Variants in NSUN6 observed in about 807,000 individuals in gnomAD.
The protein encoded by NSUN6 is NOP2/Sun RNA methyltransferase 6.
A neutral mutation model predicts 58.0 loss-of-function variants in NSUN6; 64 were observed. The observed-to-expected ratio is 1.10, with a 90% CI of 0.90 to 1.36. The LOEUF is 1.36. Among genes scored for constraint, NSUN6 ranks in the 40% most tolerant of loss-of-function variants. NSUN6 has a pLI of 0.00. For missense variants in NSUN6, 701 were observed against 550.1 expected (o/e 1.27, Z -2.74); for synonymous variants, 231 against 193.9 (o/e 1.19, Z -1.59).
intron 8 of NSUN6, among the ~76,000 whole-genome samples, chr10:18,555,371 T>G (rs967974023): frequency 2.0e-5 from 3 of 149,952 alleles, no homozygotes; most frequent in Non-Finnish European, 4.5e-5. Flanking sequence ...TGGAATGGAA[T>G]GGAGAATGGA....
chr10:18,600,646 T>A (rs1489318515), intron 6 of NSUN6, among the ~76,000 whole-genome samples: 2 of 150,362 alleles, frequency 1.3e-5, no homozygotes, highest in Non-Finnish European at 3.0e-5. Flanking sequence ...GACTACTACC[T>A]GGCCGGTGCA....
chr10:18,593,488 A>G (rs2057456688), intron 7 of NSUN6, among the ~76,000 whole-genome samples: 1 of 152,236 alleles, frequency 6.6e-6, no homozygotes, highest in South Asian at 2.1e-4. Flanking sequence ...CTGGATAAAG[A>G]AAATGTGGCA....
intron 1 of NSUN6, 38 bp downstream of exon 1, chr10:18,651,091 T>C: frequency 6.4e-7 from 1 of 1,570,674 alleles, no homozygotes; most frequent in Non-Finnish European, 8.6e-7. Context: ...ATATTTGAGT[T>C]TTTGCAAAAT....
intron 6 of NSUN6, among the ~76,000 whole-genome samples, chr10:18,599,109 C>T (rs1419733355): frequency 6.6e-6 from 1 of 152,182 alleles, no homozygotes; most frequent in Non-Finnish European, 1.5e-5. Context: ...GCAATCAAAG[C>T]TCACTGCCAC....
chr10:18,610,044 C>G, intron 5 of NSUN6, 118 bp from the exon 6 acceptor site: 2 of 677,074 alleles, frequency 3.0e-6, no homozygotes, highest in Non-Finnish European at 5.3e-6. Flanking sequence ...TTTTTAAGAA[C>G]TATTTTGGCT....
rs575820558 is a variant in NSUN6 at position 18,606,986 on chromosome 10, T to C, written c.657+2859A>G. ...CAATCCCTGAAACCAAAATGAAAAC[T>C]GCAAATTATGGCTACCAAGAGCTTC... On this transcript the variant is annotated intron_variant, in intron 6 of 10. Transcript: ENST00000377304. Among the ~76,000 whole-genome samples, 7 of 152,306 alleles carry C rather than the reference T, an allele frequency of 4.6e-5. 1 individual carries two copies. The South Asian group carries it at 1.4e-3, about 32-fold the overall frequency.
Position 18,642,553 on chromosome 10 carries a change from C to G in NSUN6, c.234G>C (p.Gln78His). 6.9e-7 allele frequency: 1 copy of G among 1,439,718 alleles called. No homozygotes were observed. Among genetic ancestry groups the G allele is most frequent in the Non-Finnish European group, 9.8e-7 (1 of 1,023,822 alleles). The allele number at this position is 1,439,718 out of a possible 1,614,324, so 89.2% of individuals were successfully genotyped here. Residue 78 changes from glutamine (Q) to histidine (H), a missense_variant and splice_region_variant, in exon 3 of 11, where the codon CAG (glutamine) becomes CAC (histidine). Coordinates refer to ENST00000377304, the MANE Select transcript of NSUN6 (RefSeq NM_182543.5). ...GAATAGGAACACTTAATCCATTAAA[C>G]TGCTGTTAAAGATAAACATGATTAT... Reference protein sequence around the residue: ...KNLLLDELQKQFNGLSVPILQ... With the variant: ...KNLLLDELQKHFNGLSVPILQ...
intron 5 of NSUN6, among the ~76,000 whole-genome samples, chr10:18,613,444 A>G (rs1202893814): frequency 1.3e-5 from 2 of 152,170 alleles, no homozygotes; most frequent in East Asian, 1.9e-4. Context: ...CCAACAAAAA[A>G]TTATTCAGAA....
At chr10:18,555,844 A>AATGGAATGGAGAATGG (rs1564709029) in intron 8 of NSUN6, among the ~76,000 whole-genome samples, 144 of 148,122 alleles carry the variant, frequency 9.7e-4, no homozygotes, top group African/African-American at 2.8e-3. Context: ...GAATGGAGAA[A>AATGGAATGGAGAATGG]AATGGAATGG....
intron 8 of NSUN6, among the ~76,000 whole-genome samples, chr10:18,576,225 C>A (rs550604421): frequency 6.6e-6 from 1 of 152,220 alleles, no homozygotes; most frequent in Non-Finnish European, 1.5e-5. Context: ...GTCATTTTCA[C>A]CTCAAACTAC....
intron 2 of NSUN6, among the ~76,000 whole-genome samples, chr10:18,647,737 T>TG (rs1554888261): frequency 8.5e-5 from 12 of 141,754 alleles, no homozygotes; most frequent in Non-Finnish European, 1.2e-4. Context: ...TTTTTTTTTT[T>TG]TTTTTTTTTT....
Position 18,648,653 on chromosome 10 carries a change from G to GAAA in NSUN6, c.76-9_76-8insTTT, listed in dbSNP as rs1257662162. The GAAA allele has an allele frequency of 6.4e-7, 1 of 1,556,440 alleles. No individual in the cohort carries two copies. Among genetic ancestry groups the GAAA allele is most frequent in the Non-Finnish European group, 8.8e-7 (1 of 1,132,572 alleles). The stretch of plus-strand genomic sequence containing the variant: ...ACCTAAAGCAGTCACAATCTAAAAA[G>GAAA]AAGTTCATGTTTAAATTTCCTGAGA... On this transcript the variant is annotated splice_polypyrimidine_tract_variant and intron_variant, in intron 1 of 10. Transcript: ENST00000377304.
At chr10:18,653,143 T>C, upstream of NSUN6, 1 of 985,106 alleles carries the variant, frequency 1.0e-6, no homozygotes, top group Non-Finnish European at 1.2e-6. Context: ...ATTTTAGCGA[T>C]AAAGGAGGAG....
At chr10:18,573,406 A>C (rs969765671) in intron 8 of NSUN6, among the ~76,000 whole-genome samples, 8 of 140,930 alleles carry the variant, frequency 5.7e-5, no homozygotes, top group Middle Eastern at 4.9e-3. Flanking sequence ...TCTCCCTTCC[A>C]TTCCATCGGT....
chr10:18,623,905 T>C (rs949564888), intron 3 of NSUN6, among the ~76,000 whole-genome samples: 3 of 152,262 alleles, frequency 2.0e-5, no homozygotes, highest in Admixed American at 2.0e-4. Context: ...AAAACTTATC[T>C]GACTAGTCCC....
At chr10:18,627,832 G>C (rs2058875237) in intron 3 of NSUN6, among the ~76,000 whole-genome samples, 1 of 152,238 alleles carries the variant, frequency 6.6e-6, no homozygotes, top group Non-Finnish European at 1.5e-5. Context: ...GGCTGGGGGA[G>C]GGGCGCCAGC....
intron 3 of NSUN6, among the ~76,000 whole-genome samples, chr10:18,633,868 C>A (rs888726323): frequency 1.3e-5 from 2 of 152,168 alleles, no homozygotes; most frequent in Non-Finnish European, 2.9e-5. Context: ...ATAAGAAAGC[C>A]TTCCCCGCCC....
At chr10:18,596,780 A>C (rs531791895) in intron 6 of NSUN6, among the ~76,000 whole-genome samples, 1 of 152,288 alleles carries the variant, frequency 6.6e-6, no homozygotes, top group African/African-American at 2.4e-5. Flanking sequence ...TTTTAGTACA[A>C]AAGCATGCCA....
At chr10:18,607,703 T>G (rs2058091488) in intron 6 of NSUN6, among the ~76,000 whole-genome samples, 1 of 152,232 alleles carries the variant, frequency 6.6e-6, no homozygotes, top group African/African-American at 2.4e-5. Flanking sequence ...CAGATGCAGA[T>G]CTTCCAAGGG....
Sources: gnomAD v4.1 joint callset for allele counts (sites outside exome capture counted in the v4.1 genomes callset) on GRCh38, gnomAD v4.1.1 for gene constraint, MANE v1.5 for transcripts, NCBI Gene and HGNC (gene_info 2026-07-23, HGNC 2026-07-21) for gene names.